Variants in HERC2 observed in about 807,000 individuals in gnomAD.
HERC2 encodes HECT and RLD domain containing E3 ubiquitin protein ligase 2.
Under a neutral mutation model 537.7 loss-of-function variants are expected in HERC2, and 102 were observed. The ratio of observed to expected loss-of-function variants is 0.19; its 90% CI spans 0.16 to 0.22. The LOEUF (loss-of-function observed/expected upper bound fraction) is 0.22, where lower values mean the gene tolerates loss of function less well. Among genes scored for constraint, HERC2 ranks in the 10% least tolerant of loss-of-function variants. The pLI is 1.00. For synonymous variants in HERC2, 2,224 were observed against 2,466.2 expected (o/e 0.90, Z 2.91); for missense variants, 4,236 against 6,198.2 (o/e 0.68, Z 10.63).
At chr15:28,308,571 A>G (rs1349589744) in intron 2 of HERC2, among the ~76,000 whole-genome samples, 2 of 152,224 alleles carry the variant, frequency 1.3e-5, no homozygotes, top group East Asian at 3.8e-4. Flanking sequence ...CTCTAGCAAG[A>G]ACTTCCAGTA....
intron 1 of HERC2, among the ~76,000 whole-genome samples, chr15:28,321,754 G>A (rs1223903729): frequency 7.4e-6 from 1 of 135,314 alleles, no homozygotes; most frequent in Non-Finnish European, 1.5e-5. Flanking sequence ...TCATCCCCCT[G>A]CCCTCAAATC....
chr15:28,182,459 T>G lies in HERC2; in HGVS notation c.8879A>C (p.Lys2960Thr). 5 of 1,613,868 alleles carry G rather than the reference T, an allele frequency of 3.1e-6. No homozygotes were observed. The highest frequency in any genetic ancestry group is 4.2e-6 in the Non-Finnish European group (5 of 1,179,984). Reference sequence around the variant, plus strand: ...GTCATTCAGGCCCCACACAAACACCTTGGTTCTTATCGTAGCTGCTGATTC... The same window carrying G: ...GTCATTCAGGCCCCACACAAACACCGTGGTTCTTATCGTAGCTGCTGATTC... ...GLESAATIRT[K>T]VFVWGLNDKD... Residue 2960 changes from lysine to threonine, a missense_variant, in exon 57 of 93, where the codon AAG becomes ACG. By Grantham distance (78) the Lys-to-Thr change is moderately conservative (BLOSUM62 -1). This residue lies in a region of HERC2 where 606 missense variants were observed against 884.5 expected (regional missense o/e 0.69). Coordinates refer to ENST00000261609, the MANE Select transcript of HERC2 (RefSeq NM_004667.6).
chr15:28,255,414 T>G (rs968701096), intron 19 of HERC2, among the ~76,000 whole-genome samples: 3 of 152,158 alleles, frequency 2.0e-5, no homozygotes, highest in African/African-American at 7.2e-5. Context: ...ACCTATAAAA[T>G]GGAATACTTC....
intron 47 of HERC2, 26 bp downstream of exon 47, chr15:28,202,087 C>T (rs746420803): frequency 3.3e-5 from 42 of 1,292,264 alleles, no homozygotes; most frequent in Admixed American, 1.7e-4. Flanking sequence ...GGCCCAGGTG[C>T]GGGCGGTCAC....
intron 2 of HERC2, chr15:28,320,333 C>A (rs1166523776): frequency 8.7e-5 from 13 of 148,730 alleles, no homozygotes; most frequent in Admixed American, 8.6e-4. Flanking sequence ...AGGCTGGTCT[C>A]CAACTCCTGA....
At position 28,144,679 on chromosome 15, in the gene HERC2, C is replaced by G; in HGVS notation, c.11134G>C (p.Ala3712Pro). ...CCATAAGCCCCTTCCTTACCAGCAG[C>G]TGGCATGATGGGATAGACGGTGAAG... ...WRFTVYPIMP[A>P]AGPKELLSDR... is the part of the protein sequence containing the mutation. The change falls in exon 72 of 93, where the codon GCT (alanine) becomes CCT (proline). Residue 3712 changes from alanine to proline, a missense_variant. Physicochemically the swap from Ala to Pro is conservative, Grantham distance 27. This residue lies in a region of HERC2 where 109 missense variants were observed against 133.5 expected (regional missense o/e 0.82). Transcript: ENST00000261609. The G allele has an allele frequency of 6.2e-7, 1 of 1,614,226 alleles. No homozygotes were observed. The highest frequency in any genetic ancestry group is 8.5e-7 in the Non-Finnish European group (1 of 1,180,042).
intron 50 of HERC2, among the ~76,000 whole-genome samples, chr15:28,196,814 C>T (rs1432578619): frequency 6.6e-6 from 1 of 152,148 alleles, no homozygotes; most frequent in Non-Finnish European, 1.5e-5. Context: ...TCGTTAAAGC[C>T]AGGTAATGAG....
chr15:28,138,690 C>T (rs552727547), intron 78 of HERC2, among the ~76,000 whole-genome samples: 6 of 152,144 alleles, frequency 3.9e-5, no homozygotes, highest in South Asian at 2.1e-4. Flanking sequence ...GTTTTCATGC[C>T]GGCTAACACA....
At position 28,265,614 on chromosome 15, in the gene HERC2, G is replaced by A. The variant is rs201000933; in HGVS notation, c.1870+4C>T. The stretch of plus-strand genomic sequence containing the variant: ...CTGTCCAGGGTGGCGAGAGCTCTAC[G>A]TACCGTTCTCAGTGACAGCCAGGGT... On this transcript the variant is annotated splice_donor_region_variant and intron_variant, in intron 14 of 92. Transcript: ENST00000261609. This position sits in a 1 kb window ranked among gnomAD's most constrained non-coding sequence, Gnocchi z 4.0. 4.5e-5 allele frequency: 73 copies of A among 1,612,198 alleles called. No homozygotes were observed. The East Asian group carries it at 1.1e-3, about 25-fold the overall frequency.
intron 4 of HERC2, among the ~76,000 whole-genome samples, chr15:28,289,837 C>T (rs2076263609): frequency 1.3e-5 from 2 of 152,112 alleles, no homozygotes; most frequent in Admixed American, 1.3e-4. Context: ...GACGACACAC[C>T]TCAGTGAGAG....
intron 3 of HERC2, among the ~76,000 whole-genome samples, chr15:28,299,166 C>A (rs1412944763): frequency 6.6e-6 from 1 of 151,982 alleles, no homozygotes; most frequent in African/African-American, 2.4e-5. Context: ...CCCCAAAGAA[C>A]ACCACAAATG....
rs1222585623 is a variant in HERC2 at position 28,268,571 on chromosome 15, T to C, written c.1492A>G (p.Ile498Val). 3 of 1,613,956 alleles carry C rather than the reference T, an allele frequency of 1.9e-6. No homozygotes were observed. Among genetic ancestry groups the C allele is most frequent in the Non-Finnish European group, 2.5e-6 (3 of 1,179,990 alleles). ...QGLASRNIVK[I>V]AAHSDGHHYL... ...TGGTGACCATCAGAATGGGCAGCAA[T>C]TTTTACAATGTTTCTGGAGGCAAGG... The change falls in exon 12 of 93, where the codon ATT (isoleucine) becomes GTT (valine). Residue 498 changes from isoleucine to valine, a missense_variant. By Grantham distance (29) the Ile-to-Val change is conservative (BLOSUM62 3). This residue lies in a region of HERC2 where 754 missense variants were observed against 1,085.0 expected (regional missense o/e 0.69). Coordinates refer to ENST00000261609, the MANE Select transcript of HERC2 (RefSeq NM_004667.6). The surrounding 1 kb of genome is among the most constrained non-coding windows in gnomAD (Gnocchi z 4.7).
rs1338555192 is a variant in HERC2, at chr15:28,265,888, TAAGTGCTCCCGCAAGCG to T, written c.1668_1684del (p.Ala557GlnfsTer27). The stretch of plus-strand genomic sequence containing the variant: ...CCCCTCGGCAGTGATGGCCGCACTG[TAAGTGCTCCCGCAAGCG>T]ATGTGCACCACGTGCTTCCCGGCCT... On this transcript the variant is annotated frameshift_variant, in exon 13 of 93. Transcript: ENST00000261609. LOFTEE classifies it high-confidence loss of function. The surrounding 1 kb of genome is among the most constrained non-coding windows in gnomAD (Gnocchi z 4.0). The T allele has an allele frequency of 6.2e-7, 1 of 1,614,168 alleles. No individual in the cohort carries two copies. Among genetic ancestry groups the T allele is most frequent in the Non-Finnish European group, 8.5e-7 (1 of 1,180,038 alleles).
chr15:28,215,933 G>C (rs1294285015), intron 38 of HERC2, 131 bp from the exon 39 acceptor site: 3 of 655,444 alleles, frequency 4.6e-6, no homozygotes, highest in Non-Finnish European at 5.0e-6. Flanking sequence ...ATTGCAGTTT[G>C]TAAATTAATT....
rs372237272 is a variant in HERC2, at chr15:28,274,410, C to T, written c.681G>A (p.Glu227=). The part of the protein sequence containing the change: ...DADLCSELLQ[E]SLDALRALPE... ...GAAGTGCTCGCAGGGCGTCCAGGGA[C>T]TCCTGCAACAGCTCACTGCAGAGGT... The change falls in exon 7 of 93, where the codon GAG becomes GAA. Residue 227 remains glutamate (E), a synonymous_variant. Coordinates refer to ENST00000261609, the MANE Select transcript of HERC2 (RefSeq NM_004667.6). 15 of 1,613,506 alleles carry T rather than the reference C, an allele frequency of 9.3e-6. No homozygotes were observed. In the African/African-American group the frequency reaches 1.5e-4, roughly 16 times the overall value.
At chr15:28,292,274 G>C (rs959062048) in intron 4 of HERC2, among the ~76,000 whole-genome samples, 2 of 139,890 alleles carry the variant, frequency 1.4e-5, no homozygotes, top group South Asian at 2.3e-4. Flanking sequence ...TATTTGAATA[G>C]ACATTTCTCC....
chr15:28,162,726 A>G (rs545774573), intron 69 of HERC2, among the ~76,000 whole-genome samples: 1 of 152,072 alleles, frequency 6.6e-6, no homozygotes, highest in East Asian at 1.9e-4. Flanking sequence ...CGACTCTACT[A>G]AAAATACAAA....
chr15:28,162,335 T>C (rs554853613), intron 69 of HERC2, among the ~76,000 whole-genome samples: 2 of 152,186 alleles, frequency 1.3e-5, no homozygotes, highest in South Asian at 4.1e-4. Context: ...TCAAAAACCT[T>C]AGACGAAAAC....
chr15:28,306,539 TTA>T (rs2076794602), intron 2 of HERC2, among the ~76,000 whole-genome samples: 1 of 152,202 alleles, frequency 6.6e-6, no homozygotes, highest in South Asian at 2.1e-4. Context: ...GTTTTTTTGA[TTA>T]TGTCTTTGTC....
Sources: allele counts gnomAD v4.1 joint callset (sites outside exome capture counted in the v4.1 genomes callset), GRCh38; gene constraint gnomAD v4.1.1; regional missense constraint gnomAD v4.1.1; non-coding constraint Gnocchi (gnomAD v3.1); transcripts MANE v1.5; gene names NCBI Gene and HGNC (gene_info 2026-07-23, HGNC 2026-07-21).